Variants in ARK2N observed in about 807,000 individuals in gnomAD.
ARK2N encodes protein ARK2N.
chr18:46,184,664 A>G, the ARK2N span, among the ~76,000 whole-genome samples: 2 of 152,148 alleles, frequency 1.3e-5, no homozygotes, highest in African/African-American at 2.4e-5. Context: ...TAAGGCTGCA[A>G]TGAGCTGTGA....
the ARK2N span, among the ~76,000 whole-genome samples, chr18:46,208,464 C>CT: frequency 0.059 from 3,988 of 67,968 alleles, 229 homozygotes; most frequent in Non-Finnish European, 0.062. Context: ...GTTCTTAAAT[C>CT]TTTTTTTTTT....
At chr18:46,260,260 C>T in the ARK2N span, among the ~76,000 whole-genome samples, 3 of 152,138 alleles carry the variant, frequency 2.0e-5, no homozygotes, top group Non-Finnish European at 4.4e-5. Context: ...TGGTTTGCCT[C>T]GAGCATGAAA....
chr18:46,216,449 G>A, the ARK2N span: 2 of 1,614,132 alleles, frequency 1.2e-6, no homozygotes, highest in Non-Finnish European at 1.7e-6. The surrounding 1 kb of genome is among the most constrained non-coding windows in gnomAD (Gnocchi z 4.3). Context: ...AGGCAGAAAC[G>A]GGAGGCTGCT....
At chr18:46,180,837 A>C in the ARK2N span, among the ~76,000 whole-genome samples, 2 of 152,240 alleles carry the variant, frequency 1.3e-5, no homozygotes, top group Non-Finnish European at 2.9e-5. Flanking sequence ...TTATAAGGGA[A>C]AAAAGTACTG....
the ARK2N span, among the ~76,000 whole-genome samples, chr18:46,185,176 A>G: frequency 6.6e-6 from 1 of 152,236 alleles, no homozygotes; most frequent in Non-Finnish European, 1.5e-5. Context: ...AATATCAGAT[A>G]TTGATTATGT....
the ARK2N span, among the ~76,000 whole-genome samples, chr18:46,230,039 C>A: frequency 6.6e-6 from 1 of 152,190 alleles, no homozygotes; most frequent in Non-Finnish European, 1.5e-5. Context: ...GATTCTCCTG[C>A]CTCAGCCTAC....
chr18:46,260,905 A>G, the ARK2N span, among the ~76,000 whole-genome samples: 66 of 152,210 alleles, frequency 4.3e-4, no homozygotes, highest in Non-Finnish European at 7.6e-4. Context: ...TCTGTATAAT[A>G]AACAGATTAG....
At chr18:46,209,657 G>C in the ARK2N span, among the ~76,000 whole-genome samples, 1 of 152,088 alleles carries the variant, frequency 6.6e-6, no homozygotes, top group African/African-American at 2.4e-5. Flanking sequence ...GTGCAGTGGC[G>C]TGGTCTTGGC....
the ARK2N span, among the ~76,000 whole-genome samples, chr18:46,248,531 C>A: frequency 6.6e-6 from 1 of 152,126 alleles, no homozygotes; most frequent in African/African-American, 2.4e-5. Context: ...CCCCTCCTTA[C>A]TGCTTTTTCC....
At chr18:46,258,164 G>T in the ARK2N span, among the ~76,000 whole-genome samples, 1 of 152,128 alleles carries the variant, frequency 6.6e-6, no homozygotes, top group Non-Finnish European at 1.5e-5. Flanking sequence ...GAGCTCAGAC[G>T]ATCTGCCCGC....
the ARK2N span, among the ~76,000 whole-genome samples, chr18:46,210,872 C>T: frequency 6.6e-6 from 1 of 151,502 alleles, no homozygotes; most frequent in Non-Finnish European, 1.5e-5. Flanking sequence ...GATGGCGCCC[C>T]TGCATTCCAG....
chr18:46,219,617 G>A, the ARK2N span, among the ~76,000 whole-genome samples: 4 of 151,856 alleles, frequency 2.6e-5, no homozygotes, highest in African/African-American at 9.7e-5. Context: ...CTACAGGCGT[G>A]TGCCACCATG....
chr18:46,196,044 G>T, the ARK2N span, among the ~76,000 whole-genome samples: 1 of 151,440 alleles, frequency 6.6e-6, no homozygotes, highest in Admixed American at 6.6e-5. Flanking sequence ...GCAGTGGTGC[G>T]ATCTCGGCTC....
At chr18:46,242,849 C>G in the ARK2N span, among the ~76,000 whole-genome samples, 1 of 152,140 alleles carries the variant, frequency 6.6e-6, no homozygotes, top group Non-Finnish European at 1.5e-5. Context: ...TACCCATTCT[C>G]TTGTTGGACA....
At chr18:46,220,505 T>C in the ARK2N span, among the ~76,000 whole-genome samples, 2 of 152,262 alleles carry the variant, frequency 1.3e-5, no homozygotes, top group Non-Finnish European at 2.9e-5. Flanking sequence ...TAGAAATTTT[T>C]GAAAATAGAA....
chr18:46,227,063 C>T, the ARK2N span, among the ~76,000 whole-genome samples: 2 of 152,176 alleles, frequency 1.3e-5, no homozygotes, highest in Non-Finnish European at 2.9e-5. Context: ...CCCACCTCCA[C>T]CTCCCAAAGT....
At chr18:46,232,473 CA>C in the ARK2N span, 1 of 152,052 alleles carries the variant, frequency 6.6e-6, no homozygotes, top group African/African-American at 2.4e-5. Flanking sequence ...TTTTTTTTCT[CA>C]AAATCCTCTT....
At chr18:46,228,727 C>T in the ARK2N span, 1 of 398,168 alleles carries the variant, frequency 2.5e-6, no homozygotes, top group Non-Finnish European at 4.4e-6. Flanking sequence ...GTGGGACTAG[C>T]ACCTGGCTAA....
At chr18:46,257,958 G>A in the ARK2N span, among the ~76,000 whole-genome samples, 3 of 149,094 alleles carry the variant, frequency 2.0e-5, no homozygotes, top group African/African-American at 7.4e-5. Context: ...ATGGAGTCTC[G>A]CCCTGTCCTC....
Sources: allele counts gnomAD v4.1 joint callset (sites outside exome capture counted in the v4.1 genomes callset), GRCh38; gene constraint gnomAD v4.1.1; non-coding constraint Gnocchi (gnomAD v3.1); transcripts MANE v1.5; gene names NCBI Gene and HGNC (gene_info 2026-07-23, HGNC 2026-07-21).